The following SCEL variants were observed in gnomAD, a reference collection of about 807,000 sequenced individuals.
SCEL encodes sciellin.
Under a neutral mutation model 117.6 loss-of-function variants are expected in SCEL, and 113 were observed. That is an observed-to-expected ratio of 0.96 (90% CI 0.83 to 1.12). The LOEUF is 1.12. Ranked by LOEUF, SCEL falls within the 50% of genes most tolerant of loss-of-function variation. The pLI is 0.00. For synonymous variants in SCEL, 270 were observed against 256.2 expected (o/e 1.05, Z -0.51); for missense variants, 785 against 810.8 (o/e 0.97, Z 0.39).
chr13:77,545,037 A>C (rs1470137982), intron 1 of SCEL, among the ~76,000 whole-genome samples: 1 of 152,206 alleles, frequency 6.6e-6, no homozygotes, highest in South Asian at 2.1e-4. Context: ...TTTTCAACAC[A>C]TGCATTCAGT....
Position 77,597,557 on chromosome 13 carries a change from T to C in SCEL, c.765T>C (p.Asp255=). ...TCTCTTCCCAAAGTGAAGAATTGGATAATCTCATCAAAATGAACAAAAGCT... is the reference window on the plus strand; with the variant it reads ...TCTCTTCCCAAAGTGAAGAATTGGACAATCTCATCAAAATGAACAAAAGCT... ...LQRSDKGEEL[D]NLIKMNKSLN... The change falls in exon 13 of 33, where the codon GAT becomes GAC. Residue 255 remains aspartate, a synonymous_variant. Transcript: ENST00000349847. The C allele has an allele frequency of 6.7e-7, 1 of 1,492,122 alleles. No homozygotes were observed. Among genetic ancestry groups the C allele is most frequent in the Non-Finnish European group, 9.1e-7 (1 of 1,095,978 alleles). 92.4% of individuals were successfully genotyped at this position (1,492,122 alleles called of 1,614,324 possible).
At chr13:77,537,616 G>A (rs1046849490) in intron 1 of SCEL, among the ~76,000 whole-genome samples, 1 of 152,166 alleles carries the variant, frequency 6.6e-6, no homozygotes, top group African/African-American at 2.4e-5. Context: ...GCAGGGAGGG[G>A]ATCTGATGTA....
Position 77,593,419 on chromosome 13 carries a change from ATTTAC to A in SCEL, c.693-90_693-86del, listed in dbSNP as rs372311514. 78 of 865,442 alleles carry A rather than the reference ATTTAC, an allele frequency of 9.0e-5. No homozygotes were observed. The South Asian group carries it at 1.0e-3, about 11-fold the overall frequency. 53.6% of individuals were successfully genotyped at this position (865,442 alleles called of 1,614,324 possible). Reference sequence around the variant, plus strand: ...GTAATTCCTGAACACCACCTAGACTATTTACTTTATTTACTGAAAACAAATGAGAA... The same window carrying A: ...GTAATTCCTGAACACCACCTAGACTATTTATTTACTGAAAACAAATGAGAA... On this transcript the variant is annotated intron_variant, in intron 11 of 32. Transcript: ENST00000349847.
Position 77,556,645 on chromosome 13 carries a change from C to T in SCEL, c.93C>T (p.His31=), listed in dbSNP as rs1249212683. 11 of 1,613,984 alleles carry T rather than the reference C, an allele frequency of 6.8e-6. No homozygotes were observed. The highest frequency in any genetic ancestry group is 6.7e-5 in the Admixed American group (4 of 60,006). Residue 31 remains histidine (H), a synonymous_variant, in exon 3 of 33, where the codon CAC becomes CAT. Transcript: ENST00000349847. ...CCACACGGAAGCAGCAGGATTTTCA[C>T]GAGGTGAACAAAAGAAGAACTTTCT... ...QGTTRKQQDF[H]EVNKRRTFLQ...
At chr13:77,606,129 T>C (rs2088158910) in intron 19 of SCEL, among the ~76,000 whole-genome samples, 1 of 152,252 alleles carries the variant, frequency 6.6e-6, no homozygotes, top group African/African-American at 2.4e-5. Context: ...TGTCTACATG[T>C]ATGTGTCTAT....
intron 11 of SCEL, among the ~76,000 whole-genome samples, chr13:77,592,071 C>T (rs1464034308): frequency 6.6e-6 from 1 of 152,004 alleles, no homozygotes; most frequent in Non-Finnish European, 1.5e-5. Context: ...TTAAACAGTG[C>T]AATTTTATAG....
intron 5 of SCEL, among the ~76,000 whole-genome samples, chr13:77,566,775 A>G (rs1182466882): frequency 6.6e-6 from 1 of 152,178 alleles, no homozygotes. Context: ...TTATGCTGCC[A>G]TGCATACCAA....
intron 9 of SCEL, among the ~76,000 whole-genome samples, chr13:77,583,311 T>G (rs1567378619): frequency 6.6e-6 from 1 of 152,166 alleles, no homozygotes; most frequent in Non-Finnish European, 1.5e-5. Flanking sequence ...TAGCCTAGAA[T>G]CTAGAATCTA....
chr13:77,598,163 G>T (rs910745843), intron 13 of SCEL, among the ~76,000 whole-genome samples: 5 of 152,094 alleles, frequency 3.3e-5, no homozygotes, highest in African/African-American at 1.2e-4. Context: ...GTCTCACTAT[G>T]TTGCCCAGGC....
chr13:77,628,173 T>A, intron 28 of SCEL, among the ~76,000 whole-genome samples, 164 bp downstream of exon 28: 1 of 42,068 alleles, frequency 2.4e-5, no homozygotes, highest in Admixed American at 3.4e-4. Flanking sequence ...TGTGTGTGTA[T>A]ATATATATAT....
chr13:77,598,687 G>GTTTT (rs1200823880), intron 13 of SCEL, among the ~76,000 whole-genome samples: 3 of 152,006 alleles, frequency 2.0e-5, no homozygotes, highest in Admixed American at 6.5e-5. Flanking sequence ...TTGTTTGTTT[G>GTTTT]TTCATTCGTT....
chr13:77,612,959 A>G lies in SCEL; in HGVS notation c.1388+18A>G. 1 of 1,472,708 alleles carries G rather than the reference A, an allele frequency of 6.8e-7. No individual in the cohort carries two copies. Among genetic ancestry groups the G allele is most frequent in the East Asian group, 2.4e-5 (1 of 41,430 alleles). The allele number at this position is 1,472,708 out of a possible 1,614,324, so 91.2% of individuals were successfully genotyped here. ...AACAAAAGGTAAACTTATTAAGATA[A>G]TTGAAGACTTCTTAGCAAGTCACCA... On this transcript the variant is annotated intron_variant, in intron 23 of 32. Coordinates refer to ENST00000349847, the MANE Select transcript of SCEL (RefSeq NM_144777.3).
intron 8 of SCEL, among the ~76,000 whole-genome samples, chr13:77,570,401 T>C (rs1160349362): frequency 6.6e-6 from 1 of 152,234 alleles, no homozygotes; most frequent in Non-Finnish European, 1.5e-5. Context: ...ATCTCCTATC[T>C]AGTGCAAGAA....
At chr13:77,632,061 G>A (rs942400305) in intron 28 of SCEL, among the ~76,000 whole-genome samples, 2 of 152,200 alleles carry the variant, frequency 1.3e-5, no homozygotes, top group Non-Finnish European at 2.9e-5. Flanking sequence ...TTCTTATGAG[G>A]ATTCCAGTTC....
At chr13:77,597,033 A>C (rs1299716317) in intron 12 of SCEL, 2 of 152,452 alleles carry the variant, frequency 1.3e-5, no homozygotes, top group East Asian at 3.8e-4. Context: ...CTGATGAACA[A>C]ATGTTTTCTA....
chr13:77,543,971 A>G (rs1461255789), intron 1 of SCEL, among the ~76,000 whole-genome samples: 1 of 152,168 alleles, frequency 6.6e-6, no homozygotes, highest in Non-Finnish European at 1.5e-5. Context: ...ATCTGCCTAC[A>G]TTTCGACCAC....
chr13:77,569,286 T>C (rs2154397345), intron 7 of SCEL, 85 bp from the exon 8 acceptor site: 1 of 1,017,068 alleles, frequency 9.8e-7, no homozygotes, highest in Non-Finnish European at 1.5e-6. Flanking sequence ...GGCAGGAATA[T>C]GAGTAGAATT....
intron 19 of SCEL, among the ~76,000 whole-genome samples, chr13:77,605,533 A>C (rs2088095909): frequency 6.6e-6 from 1 of 152,158 alleles, no homozygotes. Context: ...CTGTGCCTCA[A>C]TTTACTCATT....
intron 1 of SCEL, among the ~76,000 whole-genome samples, chr13:77,543,038 T>A (rs1334873318): frequency 1.3e-5 from 2 of 152,072 alleles, no homozygotes; most frequent in Non-Finnish European, 2.9e-5. Flanking sequence ...CCTGTGTCAT[T>A]TTCTAGACCC....
Sources: gnomAD v4.1 joint callset for allele counts (sites outside exome capture counted in the v4.1 genomes callset) on GRCh38, gnomAD v4.1.1 for gene constraint, MANE v1.5 for transcripts, NCBI Gene and HGNC (gene_info 2026-07-23, HGNC 2026-07-21) for gene names.